PLAGL1: variants seen among roughly 807,000 people sequenced by gnomAD.
PLAGL1 encodes the protein zinc finger protein PLAGL1.
PLAGL1 carries 1 observed loss-of-function variant against 4.6 expected under a neutral mutation model. That is an observed-to-expected ratio of 0.22 (90% CI 0.08 to 1.03). The LOEUF (loss-of-function observed/expected upper bound fraction) is 1.03. Among genes scored for constraint, PLAGL1 ranks in the 50% least tolerant of loss-of-function variants. The probability of loss-of-function intolerance (pLI) is 0.58; values close to 1 mark genes in which losing one functional copy is unlikely to be tolerated. For missense variants in PLAGL1, 464 were observed against 570.4 expected, an observed-to-expected ratio of 0.81 and a Z score of 1.90; for synonymous variants, 240 against 237.8, an observed-to-expected ratio of 1.01 and a Z score of -0.08.
In PLAGL1 at chr6:143,945,999, T is replaced by A. The variant is rs1200752752; in HGVS notation, c.152+1986A>T. 5.3e-5 allele frequency among the ~76,000 whole-genome samples: 8 copies of A among 152,160 alleles called. No homozygotes were observed. The highest frequency in any genetic ancestry group is 1.0e-4 in the Non-Finnish European group (7 of 68,030). On this transcript the variant is annotated intron_variant, in intron 7 of 7. Transcript: ENST00000674357. This position sits in a 1 kb window ranked among gnomAD's most constrained non-coding sequence, Gnocchi z 4.2. ...TACCTTCTAAACATGACTTAAGACTTCTTTTTCAGCGCAGTTTACCATAGT... is the reference window on the plus strand; with the variant it reads ...TACCTTCTAAACATGACTTAAGACTACTTTTTCAGCGCAGTTTACCATAGT...
intron 1 of PLAGL1, among the ~76,000 whole-genome samples, chr6:144,058,812 G>A (rs554137284): frequency 6.1e-4 from 93 of 152,312 alleles, no homozygotes; most frequent in Admixed American, 2.2e-3. Flanking sequence ...AGACCCCCAA[G>A]ACCTTAGGAA....
chr6:143,963,768 T>G lies in PLAGL1; in HGVS notation c.-399+1019A>C, dbSNP rs925401752. Reference sequence around the variant, plus strand: ...TCTCAAATCTATTTCCTTCTCTTAATTCCCATAGCTACCTGCTGTTTGGGT... The same window carrying G: ...TCTCAAATCTATTTCCTTCTCTTAAGTCCCATAGCTACCTGCTGTTTGGGT... On this transcript the variant is annotated intron_variant, in intron 5 of 7. Coordinates refer to ENST00000674357, the MANE Select transcript of PLAGL1 (RefSeq NM_001317162.2). This position sits in a 1 kb window ranked among gnomAD's most constrained non-coding sequence, Gnocchi z 6.1. Among the ~76,000 whole-genome samples the G allele has an allele frequency of 6.6e-6, 1 of 152,236 alleles. No homozygotes were observed. Among genetic ancestry groups the G allele is most frequent in the Non-Finnish European group, 1.5e-5 (1 of 68,040 alleles).
intron 1 of PLAGL1, among the ~76,000 whole-genome samples, chr6:143,999,163 C>T (rs1792303843): frequency 6.6e-6 from 1 of 152,022 alleles, no homozygotes; most frequent in Admixed American, 6.5e-5. Flanking sequence ...AAATTTTTTT[C>T]CTGTATTTCA....
In PLAGL1 at chr6:143,942,598, CG is replaced by C; in HGVS notation, c.217del (p.Arg73GlyfsTer5). Reference sequence around the variant, plus strand: ...GAGGTGGTTTTTCAGGTGGTCTTTCCGGTTGAACGTCTTCTCACAGTGAGCA... The same window carrying C: ...GAGGTGGTTTTTCAGGTGGTCTTTCCGTTGAACGTCTTCTCACAGTGAGCA... ...QCAHCEKTFN[R>X]KDHLKNHLQT... On this transcript the variant is annotated frameshift_variant, in exon 8 of 8. Coordinates refer to ENST00000674357, the MANE Select transcript of PLAGL1 (RefSeq NM_001317162.2). LOFTEE classifies it low-confidence loss of function (END_TRUNC). The surrounding 1 kb of genome is among the most constrained non-coding windows in gnomAD (Gnocchi z 7.6). The C allele has an allele frequency of 6.2e-7, 1 of 1,613,952 alleles. No individual in the cohort carries two copies. Among genetic ancestry groups the C allele is most frequent in the Non-Finnish European group, 8.5e-7 (1 of 1,179,968 alleles).
chr6:143,992,635 T>C (rs1319595059), intron 1 of PLAGL1, among the ~76,000 whole-genome samples: 2 of 152,218 alleles, frequency 1.3e-5, no homozygotes, highest in African/African-American at 4.8e-5. Flanking sequence ...CCTCTGCTAG[T>C]TCAGGAGGCA....
At chr6:144,062,751 A>C (rs1799527112) in intron 1 of PLAGL1, among the ~76,000 whole-genome samples, 1 of 152,152 alleles carries the variant, frequency 6.6e-6, no homozygotes, top group Non-Finnish European at 1.5e-5. Context: ...AACAGCATTT[A>C]TTCATCTTTA....
chr6:144,002,513 TAAAAAC>T (rs753500510), intron 1 of PLAGL1, among the ~76,000 whole-genome samples: 33 of 151,972 alleles, frequency 2.2e-4, no homozygotes, highest in Admixed American at 7.2e-4. Flanking sequence ...GACAGCACAT[TAAAAAC>T]AAAAACAAAA....
chr6:144,037,837 G>T (rs189455086), intron 1 of PLAGL1: 2 of 152,102 alleles, frequency 1.3e-5, no homozygotes, highest in African/African-American at 4.8e-5. Flanking sequence ...ACACAGTAAG[G>T]TTCTGCAATG....
At chr6:144,002,452 G>T (rs1451948804) in intron 1 of PLAGL1, among the ~76,000 whole-genome samples, 1 of 152,232 alleles carries the variant, frequency 6.6e-6, no homozygotes, top group South Asian at 2.1e-4. Context: ...AGGCGAAAAA[G>T]AGAATAGAAT....
In PLAGL1 at chr6:144,027,223, C is replaced by CAAAGAATG. The variant is rs1194756749; in HGVS notation, c.-151+37244_-151+37245insCATTCTTT. 1.6e-3 allele frequency among the ~76,000 whole-genome samples: 158 copies of CAAAGAATG among 96,738 alleles called. No homozygotes were observed. The highest frequency in any genetic ancestry group is 9.2e-3 in the African/African-American group (153 of 16,626). 63.5% of individuals were successfully genotyped at this position (96,738 alleles called of 152,430 possible). A position where few individuals can be genotyped will look rare whatever the true frequency, so the allele number is the denominator to read the frequency against. On this transcript the variant is annotated intron_variant, in intron 1 of 3. Coordinates refer to the PLAGL1 transcript ENST00000437412. This position sits in a 1 kb window ranked among gnomAD's most constrained non-coding sequence, Gnocchi z 5.8. ...TGGGTGACAGAGAAAGACCCCAACTCAAAGAACGAACGAAAGAAAGAAAGA... is the reference window on the plus strand; with the variant it reads ...TGGGTGACAGAGAAAGACCCCAACTCAAAGAATGAAAGAACGAACGAAAGAAAGAAAGA...
intron 1 of PLAGL1, among the ~76,000 whole-genome samples, chr6:144,024,156 T>G (rs896349052): frequency 1.3e-5 from 2 of 152,204 alleles, no homozygotes; most frequent in African/African-American, 4.8e-5. Flanking sequence ...CCTATATATT[T>G]CCTAGCTCTG....
intron 1 of PLAGL1, among the ~76,000 whole-genome samples, chr6:144,020,875 T>C (rs975726964): frequency 6.8e-6 from 1 of 146,470 alleles, no homozygotes; most frequent in Non-Finnish European, 1.5e-5. Flanking sequence ...ATAAAATATA[T>C]AGTATAATTT....
intron 1 of PLAGL1, among the ~76,000 whole-genome samples, chr6:144,021,146 C>T (rs1210706396): frequency 1.3e-5 from 2 of 151,900 alleles, no homozygotes; most frequent in Admixed American, 1.3e-4. Context: ...ATGTAGAGCA[C>T]AGAAACAGAA....
At position 143,963,651 on chromosome 6, in the gene PLAGL1, A is replaced by G. The variant is rs1033755358; in HGVS notation, c.-399+1136T>C. Reference sequence around the variant, plus strand: ...AATCCAGGGTGCGTGTCAAAAGTCAACCTCTTCCCATGTCACTTCCCAGCC... The same window carrying G: ...AATCCAGGGTGCGTGTCAAAAGTCAGCCTCTTCCCATGTCACTTCCCAGCC... On this transcript the variant is annotated intron_variant, in intron 5 of 7. Transcript: ENST00000674357. This position sits in a 1 kb window ranked among gnomAD's most constrained non-coding sequence, Gnocchi z 6.1. Among the ~76,000 whole-genome samples the G allele has an allele frequency of 2.6e-5, 4 of 152,030 alleles. No individual in the cohort carries two copies. The highest frequency in any genetic ancestry group is 9.7e-5 in the African/African-American group (4 of 41,380).
At chr6:143,956,470 G>A (rs1782164147) in intron 6 of PLAGL1, among the ~76,000 whole-genome samples, 1 of 152,194 alleles carries the variant, frequency 6.6e-6, no homozygotes, top group Non-Finnish European at 1.5e-5. Flanking sequence ...TGAGAATTAA[G>A]TCTGAGTTCA....
chr6:144,049,581 G>C (rs1047872166), intron 1 of PLAGL1, among the ~76,000 whole-genome samples: 6 of 152,122 alleles, frequency 3.9e-5, no homozygotes, highest in Admixed American at 2.6e-4. Context: ...AGGAGTGAAG[G>C]GGAAAGAGCC....
rs761735778 is a variant in PLAGL1 at position 144,027,230 on chromosome 6, C to CGAAGGAAAGAAAGAAAGAAA, written c.-151+37237_-151+37238insTTTCTTTCTTTCTTTCCTTC. ...CAGAGAAAGACCCCAACTCAAAGAA[C>CGAAGGAAAGAAAGAAAGAAA]GAACGAAAGAAAGAAAGAAAGAAAG... On this transcript the variant is annotated intron_variant, in intron 1 of 3. Transcript: ENST00000437412. The surrounding 1 kb of genome is among the most constrained non-coding windows in gnomAD (Gnocchi z 5.8). Among the ~76,000 whole-genome samples the CGAAGGAAAGAAAGAAAGAAA allele has an allele frequency of 6.1e-5, 6 of 99,106 alleles. No individual in the cohort carries two copies. Among genetic ancestry groups the CGAAGGAAAGAAAGAAAGAAA allele is most frequent in the African/African-American group, 1.7e-4 (4 of 24,100 alleles). The allele number at this position is 99,106 out of a possible 152,430, so 65.0% of individuals were successfully genotyped here.
chr6:144,056,693 T>A lies in PLAGL1; in HGVS notation c.-151+7775A>T, dbSNP rs6936891. ...TTTTGTTTTTTTAAATTTAGACAGG[T>A]TATCGCTGCTGCCCAGGCCAGAGTG... On this transcript the variant is annotated intron_variant, in intron 1 of 3. Coordinates refer to the PLAGL1 transcript ENST00000437412. The surrounding 1 kb of genome is among the most constrained non-coding windows in gnomAD (Gnocchi z 4.7). 6.6e-6 allele frequency among the ~76,000 whole-genome samples: 1 copy of A among 151,976 alleles called. No homozygotes were observed. Among genetic ancestry groups the A allele is most frequent in the African/African-American group, 2.4e-5 (1 of 41,354 alleles).
chr6:144,024,918 A>T (rs1796228182), intron 1 of PLAGL1, among the ~76,000 whole-genome samples: 1 of 152,220 alleles, frequency 6.6e-6, no homozygotes, highest in African/African-American at 2.4e-5. Flanking sequence ...GAGGAGGAAG[A>T]GACAAATCCT....
Sources: gnomAD v4.1 joint callset for allele counts (sites outside exome capture counted in the v4.1 genomes callset) on GRCh38, gnomAD v4.1.1 for gene constraint, Gnocchi (gnomAD v3.1) non-coding constraint, MANE v1.5 for transcripts, NCBI Gene and HGNC (gene_info 2026-07-23, HGNC 2026-07-21) for gene names.